Variants in TBL1XR1 observed in about 807,000 individuals in gnomAD.
TBL1XR1 encodes F-box-like/WD repeat-containing protein TBL1XR1.
In TBL1XR1, 5 loss-of-function variants were observed where a neutral mutation model predicts 66.9. The ratio of observed to expected loss-of-function variants is 0.07; its 90% CI spans 0.04 to 0.16. The LOEUF (loss-of-function observed/expected upper bound fraction) is 0.16, where lower values mean the gene tolerates loss of function less well. Among genes scored for constraint, TBL1XR1 ranks in the 10% least tolerant of loss-of-function variants. TBL1XR1 has a pLI of 1.00. For synonymous variants in TBL1XR1, 210 were observed against 206.0 expected (o/e 1.02, Z -0.17); for missense variants, 238 against 623.2 (o/e 0.38, Z 6.58).
intron 1 of TBL1XR1, among the ~76,000 whole-genome samples, chr3:177,150,955 A>G (rs1048896024): frequency 2.0e-5 from 3 of 152,240 alleles, no homozygotes; most frequent in African/African-American, 7.2e-5. Flanking sequence ...TTCAAAACTT[A>G]AAACATTCTT....
intron 1 of TBL1XR1, among the ~76,000 whole-genome samples, chr3:177,100,245 CAAG>C (rs1421106175): frequency 6.6e-6 from 1 of 151,922 alleles, no homozygotes; most frequent in African/African-American, 2.4e-5. Flanking sequence ...CTCAAACAAA[CAAG>C]AAAAACTCCC....
intron 1 of TBL1XR1, among the ~76,000 whole-genome samples, chr3:177,173,442 TACC>T (rs1430273308): frequency 6.6e-6 from 1 of 152,180 alleles, no homozygotes; most frequent in Non-Finnish European, 1.5e-5. Context: ...GATTAAAATA[TACC>T]AATAAGTGTC....
At chr3:177,141,792 A>G (rs1252377799) in intron 1 of TBL1XR1, among the ~76,000 whole-genome samples, 1 of 152,236 alleles carries the variant, frequency 6.6e-6, no homozygotes, top group African/African-American at 2.4e-5. Flanking sequence ...ACAATAGCCG[A>G]AAGTCGGGAG....
intron 2 of TBL1XR1, among the ~76,000 whole-genome samples, chr3:177,075,162 AAG>A (rs1026183928): frequency 1.8e-4 from 28 of 152,236 alleles, no homozygotes; most frequent in Admixed American, 1.4e-3. Flanking sequence ...TCCAACGGAA[AAG>A]AGAGTCGTTC....
chr3:177,154,654 C>T lies in TBL1XR1; in HGVS notation c.-122+42467G>A, dbSNP rs572829802. ...TCATGATCTGCCCGCCTCAGCCTCC[C>T]GGAGTGCTAAGATTACAGGCATGAG... On this transcript the variant is annotated intron_variant, in intron 1 of 15. Coordinates refer to ENST00000457928, the MANE Select transcript of TBL1XR1 (RefSeq NM_024665.7). 5.9e-5 allele frequency among the ~76,000 whole-genome samples: 9 copies of T among 152,180 alleles called. No individual in the cohort carries two copies. In the East Asian group the frequency reaches 7.7e-4, roughly 13 times the overall value.
chr3:177,086,629 AAAT>A (rs1307809040), intron 2 of TBL1XR1, among the ~76,000 whole-genome samples: 6 of 152,128 alleles, frequency 3.9e-5, no homozygotes, highest in African/African-American at 1.4e-4. Flanking sequence ...TTTTTAAGAA[AAAT>A]AATGGTTTTC....
At chr3:177,146,987 TCAGATC>T (rs1408515151) in intron 1 of TBL1XR1, among the ~76,000 whole-genome samples, 1 of 152,038 alleles carries the variant, frequency 6.6e-6, no homozygotes, top group Non-Finnish European at 1.5e-5. Context: ...TGATTCAGAT[TCAGATC>T]ATGATTTTTT....
chr3:177,198,865 GACACACACACACACACACACACAC>G (rs57636923), upstream of TBL1XR1, among the ~76,000 whole-genome samples: 3 of 148,086 alleles, frequency 2.0e-5, no homozygotes, highest in Non-Finnish European at 3.0e-5. Context: ...GAAGTTTTGC[GACACACACACACACACACACACAC>G]ACACACACAC....
intron 1 of TBL1XR1, among the ~76,000 whole-genome samples, chr3:177,099,191 AC>A (rs1397814865): frequency 2.0e-5 from 3 of 152,064 alleles, no homozygotes; most frequent in Non-Finnish European, 4.4e-5. Context: ...ACATGGAGAC[AC>A]CCTGTCTCTA....
chr3:177,076,530 G>A (rs1256889114), intron 2 of TBL1XR1, among the ~76,000 whole-genome samples: 1 of 152,122 alleles, frequency 6.6e-6, no homozygotes, highest in African/African-American at 2.4e-5. Flanking sequence ...TCCAACTTAC[G>A]AATTTAGGAG....
At chr3:177,072,080 A>G (rs1199400359) in intron 2 of TBL1XR1, among the ~76,000 whole-genome samples, 2 of 152,210 alleles carry the variant, frequency 1.3e-5, no homozygotes, top group African/African-American at 2.4e-5. Context: ...TTAACTCTTA[A>G]TATTTCTTAA....
At chr3:177,139,545 A>G (rs1729390187) in intron 1 of TBL1XR1, among the ~76,000 whole-genome samples, 1 of 152,028 alleles carries the variant, frequency 6.6e-6, no homozygotes, top group Non-Finnish European at 1.5e-5. Flanking sequence ...GGGGGGAAAA[A>G]AAAAAATTAA....
At chr3:177,083,029 T>A (rs1364638745) in intron 2 of TBL1XR1, among the ~76,000 whole-genome samples, 1 of 151,804 alleles carries the variant, frequency 6.6e-6, no homozygotes, top group East Asian at 1.9e-4. Context: ...AGAGATATTT[T>A]AAAATAAATT....
At chr3:177,050,334 A>C in intron 6 of TBL1XR1, 144 bp downstream of exon 6, 1 of 1,257,650 alleles carries the variant, frequency 8.0e-7, no homozygotes, top group Middle Eastern at 2.6e-4. Flanking sequence ...AAAATTCTAC[A>C]ATTACTTCAT....
upstream of TBL1XR1, among the ~76,000 whole-genome samples, chr3:177,200,032 G>A (rs1737310111): frequency 6.6e-6 from 1 of 152,010 alleles, no homozygotes; most frequent in Admixed American, 6.5e-5. Context: ...GAGTGCAATG[G>A]CGGAATGTCG....
chr3:177,179,117 C>CAAAAAAAAAAAAAAAAAAA, intron 1 of TBL1XR1, among the ~76,000 whole-genome samples: 1 of 107,448 alleles, frequency 9.3e-6, no homozygotes, highest in Non-Finnish European at 1.8e-5. Flanking sequence ...AACTACGTCT[C>CAAAAAAAAAAAAAAAAAAA]AAAAAAAAAA....
At chr3:177,102,842 T>A (rs1287932696) in intron 1 of TBL1XR1, among the ~76,000 whole-genome samples, 3 of 152,060 alleles carry the variant, frequency 2.0e-5, no homozygotes, top group Non-Finnish European at 2.9e-5. Flanking sequence ...CACCCCACCA[T>A]CCAGAGAGAG....
intron 1 of TBL1XR1, among the ~76,000 whole-genome samples, chr3:177,149,147 C>T (rs1334745481): frequency 2.0e-5 from 3 of 152,242 alleles, no homozygotes. Context: ...ACAGCCAATG[C>T]TAGCCATTTC....
At chr3:177,098,786 TC>T (rs1723824247) in intron 1 of TBL1XR1, among the ~76,000 whole-genome samples, 1 of 152,168 alleles carries the variant, frequency 6.6e-6, no homozygotes, top group African/African-American at 2.4e-5. Flanking sequence ...AAGAGATTCA[TC>T]TGCACACAAG....
Sources: gnomAD v4.1 joint callset for allele counts (sites outside exome capture counted in the v4.1 genomes callset) on GRCh38, gnomAD v4.1.1 for gene constraint, MANE v1.5 for transcripts, NCBI Gene and HGNC (gene_info 2026-07-23, HGNC 2026-07-21) for gene names.